MARCHF1: variants seen among roughly 807,000 people sequenced by gnomAD.
MARCHF1 encodes membrane associated ring-CH-type finger 1, also known as E3 ubiquitin-protein ligase MARCHF1.
In MARCHF1, 40 loss-of-function variants were observed where a neutral mutation model predicts 54.2. The observed-to-expected ratio is 0.74, with a 90% CI of 0.57 to 0.96. MARCHF1 has a LOEUF of 0.96. MARCHF1 is among the 40% of genes least tolerant of loss of function. The pLI, the probability that MARCHF1 is intolerant of heterozygous loss-of-function variation, is 0.00. For missense variants in MARCHF1, 586 were observed against 656.5 expected, an observed-to-expected ratio of 0.89 and a Z score of 1.17; for synonymous variants, 236 against 236.3, an observed-to-expected ratio of 1.00 and a Z score of 0.01.
At chr4:163,635,214 A>C (rs1742268694) in intron 5 of MARCHF1, among the ~76,000 whole-genome samples, 1 of 74,652 alleles carries the variant, frequency 1.3e-5, no homozygotes, top group African/African-American at 9.9e-5. Flanking sequence ...AAACACATTC[A>C]AAAGCTAGCA....
intron 1 of MARCHF1, among the ~76,000 whole-genome samples, chr4:164,186,914 G>A (rs1730984579): frequency 6.6e-6 from 1 of 152,128 alleles, no homozygotes; most frequent in Non-Finnish European, 1.5e-5. Flanking sequence ...GATGTCTAAG[G>A]TGTCGAAAGT....
chr4:163,578,622 G>C (rs148659387), intron 8 of MARCHF1, among the ~76,000 whole-genome samples: 17 of 152,184 alleles, frequency 1.1e-4, no homozygotes, highest in African/African-American at 3.4e-4. Context: ...TTTTCTATGT[G>C]TTTATAAAGT....
At chr4:163,951,520 T>C (rs1165667001) in intron 3 of MARCHF1, among the ~76,000 whole-genome samples, 1 of 151,988 alleles carries the variant, frequency 6.6e-6, no homozygotes, top group African/African-American at 2.4e-5. Context: ...AGAGAAAAGG[T>C]CTGAATGATT....
At chr4:163,747,811 G>A (rs1050700537) in intron 4 of MARCHF1, among the ~76,000 whole-genome samples, 1 of 152,192 alleles carries the variant, frequency 6.6e-6, no homozygotes, top group Non-Finnish European at 1.5e-5. Context: ...AAGACATTTA[G>A]AGACCTGGAC....
intron 1 of MARCHF1, among the ~76,000 whole-genome samples, chr4:164,193,537 T>A (rs997425374): frequency 6.6e-6 from 1 of 152,118 alleles, no homozygotes; most frequent in African/African-American, 2.4e-5. Flanking sequence ...CCAGTAAGAA[T>A]GCCTCTTTCA....
At chr4:163,925,341 G>A (rs1751514590) in intron 3 of MARCHF1, among the ~76,000 whole-genome samples, 1 of 151,724 alleles carries the variant, frequency 6.6e-6, no homozygotes, top group Admixed American at 6.6e-5. Context: ...TTTATAAAAT[G>A]GTCCATTCCT....
At chr4:164,260,076 A>G (rs1733421635) in intron 1 of MARCHF1, among the ~76,000 whole-genome samples, 1 of 152,174 alleles carries the variant, frequency 6.6e-6, no homozygotes, top group Non-Finnish European at 1.5e-5. Flanking sequence ...AGAAGATAAT[A>G]TTCAAGAAAT....
At chr4:163,796,497 C>T (rs1239564938) in intron 4 of MARCHF1, among the ~76,000 whole-genome samples, 3 of 152,088 alleles carry the variant, frequency 2.0e-5, no homozygotes, top group Admixed American at 6.6e-5. Context: ...ATTATAGACA[C>T]ATCAGTTTGA....
rs1752861022 is a variant in MARCHF1, at chr4:163,986,246, C to CTTTTTTTTTT, written c.-39+2254_-39+2255insAAAAAAAAAA. Among the ~76,000 whole-genome samples, 18 of 73,770 alleles carry CTTTTTTTTTT rather than the reference C, an allele frequency of 2.4e-4. 2 individuals are homozygous for CTTTTTTTTTT. Among genetic ancestry groups the CTTTTTTTTTT allele is most frequent in the African/African-American group, 3.6e-4 (8 of 22,160 alleles). 48.4% of individuals were successfully genotyped at this position (73,770 alleles called of 152,430 possible). Reference sequence around the variant, plus strand: ...CCTTTCCTTTTCTCCTAATTAACCTCTTCTTTTTTTTTTTTTTTTTTTTTT... The same window carrying CTTTTTTTTTT: ...CCTTTCCTTTTCTCCTAATTAACCTCTTTTTTTTTTTTCTTTTTTTTTTTTTTTTTTTTTT... On this transcript the variant is annotated intron_variant, in intron 3 of 9. Transcript: ENST00000514618.
At chr4:164,035,890 G>C (rs1753983888) in intron 2 of MARCHF1, among the ~76,000 whole-genome samples, 1 of 146,878 alleles carries the variant, frequency 6.8e-6, no homozygotes, top group Non-Finnish European at 1.5e-5. Flanking sequence ...AGACCAGCCT[G>C]GCCAATATGG....
At chr4:163,534,520 AAATT>A (rs983676681) in intron 9 of MARCHF1, among the ~76,000 whole-genome samples, 4 of 152,104 alleles carry the variant, frequency 2.6e-5, no homozygotes, top group Admixed American at 1.3e-4. Context: ...CTATTTAAAA[AAATT>A]AATTAGTGTA....
At chr4:163,961,123 T>C (rs945486541) in intron 3 of MARCHF1, among the ~76,000 whole-genome samples, 1 of 151,936 alleles carries the variant, frequency 6.6e-6, no homozygotes, top group Non-Finnish European at 1.5e-5. Context: ...CCAAAGATAG[T>C]CACATTAGGG....
At position 164,223,356 on chromosome 4, in the gene MARCHF1, T is replaced by C. The variant is rs151209485; in HGVS notation, c.-322-111694A>G. 8.3e-3 allele frequency among the ~76,000 whole-genome samples: 1,263 copies of C among 152,040 alleles called. 16 individuals are homozygous for C. Among genetic ancestry groups the C allele is most frequent in the African/African-American group, 0.028 (1,174 of 41,510 alleles). ...TGAGGGGAGAAACTAGAAGCTGTCA[T>C]GCAAATATATATATATGGTGACAAT... is the stretch of plus-strand genomic sequence containing the variant. On this transcript the variant is annotated intron_variant, in intron 1 of 9. Coordinates refer to ENST00000514618, the MANE Select transcript of MARCHF1 (RefSeq NM_001394959.1).
At chr4:163,898,053 T>C (rs1351019093) in intron 3 of MARCHF1, among the ~76,000 whole-genome samples, 3 of 74,346 alleles carry the variant, frequency 4.0e-5, no homozygotes, top group African/African-American at 5.2e-5. Flanking sequence ...AGAGTGAGAC[T>C]CCGTCTCAAA....
At chr4:164,176,964 CTCT>C (rs1297878433) in intron 1 of MARCHF1, among the ~76,000 whole-genome samples, 15 of 47,720 alleles carry the variant, frequency 3.1e-4, no homozygotes, top group South Asian at 9.3e-4. Context: ...CTCTCTCTCT[CTCT>C]CTCTCTCTCT....
chr4:164,158,879 G>A (rs1291907925), intron 1 of MARCHF1, among the ~76,000 whole-genome samples: 2 of 152,068 alleles, frequency 1.3e-5, no homozygotes, highest in African/African-American at 4.8e-5. Flanking sequence ...GACATCTTCA[G>A]CATGAACATG....
At chr4:164,043,253 C>A (rs1754166811) in intron 2 of MARCHF1, among the ~76,000 whole-genome samples, 1 of 152,192 alleles carries the variant, frequency 6.6e-6, no homozygotes. Context: ...TCCATCCCTG[C>A]AGCAGACTTC....
rs189721127 is a variant in MARCHF1, at chr4:164,276,234, A to G, written c.-323+107636T>C. Among the ~76,000 whole-genome samples, 430 of 152,220 alleles carry G rather than the reference A, an allele frequency of 2.8e-3. 4 individuals carry two copies. Among genetic ancestry groups the G allele is most frequent in the African/African-American group, 9.8e-3 (409 of 41,544 alleles). ...GTTGAAGTTTTTATCTTTACCTCTCAGTGGCATTTAATGATAAGACCACTA... is the reference window on the plus strand; with the variant it reads ...GTTGAAGTTTTTATCTTTACCTCTCGGTGGCATTTAATGATAAGACCACTA... On this transcript the variant is annotated intron_variant, in intron 1 of 9. Coordinates refer to ENST00000514618, the MANE Select transcript of MARCHF1 (RefSeq NM_001394959.1).
intron 1 of MARCHF1, among the ~76,000 whole-genome samples, chr4:164,299,360 T>G (rs1560992750): frequency 6.6e-6 from 1 of 152,140 alleles, no homozygotes; most frequent in Non-Finnish European, 1.5e-5. Context: ...ACACATTAAA[T>G]GGAAATCTTA....
Sources: allele counts gnomAD v4.1 joint callset (sites outside exome capture counted in the v4.1 genomes callset), GRCh38; gene constraint gnomAD v4.1.1; transcripts MANE v1.5; gene names NCBI Gene and HGNC (gene_info 2026-07-23, HGNC 2026-07-21).